RORA: variants seen among roughly 807,000 people sequenced by gnomAD.
RORA encodes RAR related orphan receptor A.
A neutral mutation model predicts 69.5 loss-of-function variants in RORA; 7 were observed. The ratio of observed to expected loss-of-function variants is 0.10; its 90% CI spans 0.06 to 0.19. RORA has a LOEUF of 0.19. RORA is among the 10% of genes least tolerant of loss of function. RORA has a pLI of 1.00. For missense variants in RORA, 457 were observed against 663.0 expected, an observed-to-expected ratio of 0.69 and a Z score of 3.41; for synonymous variants, 261 against 240.8, an observed-to-expected ratio of 1.08 and a Z score of -0.78.
At chr15:60,743,016 A>AC (rs761473846) in intron 1 of RORA, among the ~76,000 whole-genome samples, 1 of 105,172 alleles carries the variant, frequency 9.5e-6, no homozygotes, top group Non-Finnish European at 1.9e-5. Flanking sequence ...CATTCATTCT[A>AC]TTTTTTTTTT....
intron 1 of RORA, among the ~76,000 whole-genome samples, chr15:60,981,905 G>C (rs1255941960): frequency 6.6e-6 from 1 of 151,006 alleles, no homozygotes; most frequent in African/African-American, 2.4e-5. Context: ...ATTGAAAATT[G>C]AAGATTTTGA....
At chr15:61,166,917 CA>C (rs2079543629) in intron 1 of RORA, among the ~76,000 whole-genome samples, 1 of 152,212 alleles carries the variant, frequency 6.6e-6, no homozygotes, top group South Asian at 2.1e-4. Flanking sequence ...CTCATCCCCA[CA>C]ACCTACTCAC....
At chr15:60,988,343 CATGCTA>C (rs1352827608) in intron 1 of RORA, among the ~76,000 whole-genome samples, 1 of 152,122 alleles carries the variant, frequency 6.6e-6, no homozygotes, top group African/African-American at 2.4e-5. Flanking sequence ...TCAGTCATAG[CATGCTA>C]ATAGCCAGGA....
chr15:61,103,153 T>A (rs1595989740), intron 1 of RORA, among the ~76,000 whole-genome samples: 1 of 152,126 alleles, frequency 6.6e-6, no homozygotes, highest in African/African-American at 2.4e-5. Flanking sequence ...GAGAAAGCAA[T>A]GTTGTAAGCA....
At chr15:60,879,626 T>G (rs950689156) in intron 1 of RORA, among the ~76,000 whole-genome samples, 2 of 152,186 alleles carry the variant, frequency 1.3e-5, no homozygotes, top group Non-Finnish European at 2.9e-5. Context: ...TGATTAATTA[T>G]TTAGATTACA....
chr15:60,778,198 T>A (rs2072201107), intron 1 of RORA, among the ~76,000 whole-genome samples: 1 of 148,834 alleles, frequency 6.7e-6, no homozygotes, highest in Admixed American at 6.7e-5. Context: ...TGTGGCTTAC[T>A]GAACAGCTGG....
intron 1 of RORA, among the ~76,000 whole-genome samples, chr15:60,992,280 G>A (rs1378646214): frequency 6.6e-6 from 1 of 152,108 alleles, no homozygotes; most frequent in South Asian, 2.1e-4. Context: ...CAGGATTTAG[G>A]CCCCATTCAT....
intron 2 of RORA, among the ~76,000 whole-genome samples, chr15:60,601,700 T>G (rs1267988362): frequency 6.6e-6 from 1 of 152,208 alleles, no homozygotes; most frequent in Non-Finnish European, 1.5e-5. Context: ...TATAGCAGTT[T>G]GTTCACCTAC....
At chr15:60,536,481 C>T (rs1010489330) in intron 2 of RORA, among the ~76,000 whole-genome samples, 7 of 152,234 alleles carry the variant, frequency 4.6e-5, no homozygotes, top group African/African-American at 1.7e-4. Context: ...TCCTTCACAA[C>T]ATTGCTGCTT....
intron 2 of RORA, among the ~76,000 whole-genome samples, chr15:60,616,838 C>G (rs1596063426): frequency 6.6e-6 from 1 of 152,170 alleles, no homozygotes; most frequent in Non-Finnish European, 1.5e-5. Flanking sequence ...CTGTAGGAAA[C>G]CCCCTGGTCC....
At chr15:60,792,739 T>C (rs1358405476) in intron 1 of RORA, among the ~76,000 whole-genome samples, 1 of 152,172 alleles carries the variant, frequency 6.6e-6, no homozygotes, top group Non-Finnish European at 1.5e-5. Flanking sequence ...GAGAGATTCA[T>C]TGCCAAGAGA....
At chr15:60,811,390 T>C (rs1432252244) in intron 1 of RORA, among the ~76,000 whole-genome samples, 1 of 152,240 alleles carries the variant, frequency 6.6e-6, no homozygotes, top group Non-Finnish European at 1.5e-5. Flanking sequence ...ATAAGTCAGT[T>C]ATCTCTATTC....
At chr15:61,170,431 T>C in intron 1 of RORA, among the ~76,000 whole-genome samples, 1 of 152,228 alleles carries the variant, frequency 6.6e-6, no homozygotes, top group Middle Eastern at 3.2e-3. Context: ...TCTTTCACTC[T>C]GACTCTCCTG....
At chr15:60,714,390 G>T (rs2071192117) in intron 1 of RORA, among the ~76,000 whole-genome samples, 1 of 147,336 alleles carries the variant, frequency 6.8e-6, no homozygotes, top group Admixed American at 6.9e-5. Flanking sequence ...TTTTGAGATG[G>T]AGTCTTGCTC....
At position 60,744,914 on chromosome 15, in the gene RORA, G is replaced by A. The variant is rs181856293; in HGVS notation, c.167-66228C>T. Reference sequence around the variant, plus strand: ...ATTTCCCCACCTCATTTCACCCGGGGCCTCCACCACTGATTAAATGGAAAT... The same window carrying A: ...ATTTCCCCACCTCATTTCACCCGGGACCTCCACCACTGATTAAATGGAAAT... On this transcript the variant is annotated intron_variant, in intron 1 of 10. Transcript: ENST00000335670. Among the ~76,000 whole-genome samples the A allele has an allele frequency of 1.4e-4, 22 of 152,288 alleles. No homozygotes were observed. In the East Asian group the frequency reaches 3.3e-3, roughly 23 times the overall value.
chr15:61,060,596 G>A (rs566552008), intron 1 of RORA, among the ~76,000 whole-genome samples: 1 of 152,262 alleles, frequency 6.6e-6, no homozygotes, highest in East Asian at 1.9e-4. Context: ...GGGAAACTGT[G>A]GACCCCCTCA....
chr15:61,151,643 A>G (rs1392561409), intron 1 of RORA, among the ~76,000 whole-genome samples: 2 of 152,214 alleles, frequency 1.3e-5, no homozygotes, highest in Admixed American at 6.5e-5. Context: ...TTTTGCTACT[A>G]TTGATCTGTG....
In RORA at chr15:60,773,915, TAAGA is replaced by T. The variant is rs569469698; in HGVS notation, c.167-95233_167-95230del. Among the ~76,000 whole-genome samples the T allele has an allele frequency of 3.9e-5, 6 of 152,364 alleles. No homozygotes were observed. In the South Asian group the frequency reaches 1.2e-3, roughly 32 times the overall value. ...GTGTGCTTCACATTTATGTAATACA[TAAGA>T]AAGACTTGAGGATAGCTATACCTGT... On this transcript the variant is annotated intron_variant, in intron 1 of 10. Transcript: ENST00000335670.
intron 1 of RORA, among the ~76,000 whole-genome samples, chr15:60,842,876 T>C (rs2073217593): frequency 6.6e-6 from 1 of 152,232 alleles, no homozygotes; most frequent in Non-Finnish European, 1.5e-5. Flanking sequence ...TTCAAGTAGA[T>C]GGGCAGTGAG....
Sources: allele counts gnomAD v4.1 joint callset (sites outside exome capture counted in the v4.1 genomes callset), GRCh38; gene constraint gnomAD v4.1.1; transcripts MANE v1.5; gene names NCBI Gene and HGNC (gene_info 2026-07-23, HGNC 2026-07-21).